Variants in EFR3A observed in about 807,000 individuals in gnomAD.
EFR3A encodes EFR3 homolog A.
Under a neutral mutation model 104.4 loss-of-function variants are expected in EFR3A, and 76 were observed. That is an observed-to-expected ratio of 0.73 (90% CI 0.60 to 0.88). EFR3A has a LOEUF of 0.88. EFR3A is among the 40% of genes least tolerant of loss of function. The probability of loss-of-function intolerance (pLI) is 0.00; values close to 1 mark genes in which losing one functional copy is unlikely to be tolerated. For synonymous variants in EFR3A, 330 were observed against 330.0 expected (o/e 1.00, Z 0.00); for missense variants, 985 against 1,012.5 (o/e 0.97, Z 0.37).
Position 131,970,639 on chromosome 8 carries a change from A to G in EFR3A, c.1155A>G (p.Thr385=). Reference sequence around the variant, plus strand: ...TTGTGCAGAATGCTATCATCCAAACAATAGGTGAGTACATTTCACTTTTCA... The same window carrying G: ...TTGTGCAGAATGCTATCATCCAAACGATAGGTGAGTACATTTCACTTTTCA... ...EKIVQNAIIQ[T]IGFFGSNLPD... Residue 385 remains threonine (T), a synonymous_variant, in exon 10 of 23, where the codon ACA becomes ACG. Transcript: ENST00000254624. 1.2e-6 allele frequency: 2 copies of G among 1,612,768 alleles called. No individual in the cohort carries two copies. The highest frequency in any genetic ancestry group is 2.2e-5 in the East Asian group (1 of 44,828).
At chr8:131,997,151 T>C (rs964668403) in intron 19 of EFR3A, among the ~76,000 whole-genome samples, 2 of 152,062 alleles carry the variant, frequency 1.3e-5, no homozygotes, top group African/African-American at 4.8e-5. Context: ...TAGGACTTAT[T>C]CTACACAAAT....
In EFR3A at chr8:131,957,350, CT is replaced by C. The variant is rs1185442281; in HGVS notation, c.776+1463del. Among the ~76,000 whole-genome samples, 419 of 125,922 alleles carry C rather than the reference CT, an allele frequency of 3.3e-3. 1 individual carries two copies. The highest frequency in any genetic ancestry group is 5.8e-3 in the African/African-American group (194 of 33,462). The allele number at this position is 125,922 out of a possible 152,430, so 82.6% of individuals were successfully genotyped here. Reference sequence around the variant, plus strand: ...TAATTTGAAGATTTAGGGCCAGGGTCTTTTTTTTTTTTTTTTTTGAGACAGA... The same window carrying C: ...TAATTTGAAGATTTAGGGCCAGGGTCTTTTTTTTTTTTTTTTTGAGACAGA... On this transcript the variant is annotated intron_variant, in intron 7 of 22. Transcript: ENST00000254624.
At chr8:132,008,815 C>T (rs1395689430) in intron 22 of EFR3A, among the ~76,000 whole-genome samples, 1 of 123,980 alleles carries the variant, frequency 8.1e-6, no homozygotes, top group African/African-American at 3.1e-5. Context: ...AATTGCACTC[C>T]AGCCTGGGTG....
At chr8:131,975,438 C>CA (rs1308934995) in intron 10 of EFR3A, among the ~76,000 whole-genome samples, 1 of 78,180 alleles carries the variant, frequency 1.3e-5, no homozygotes, top group East Asian at 4.3e-4. Context: ...TTTTTGGAGA[C>CA]AGAGTTTTGC....
intron 1 of EFR3A, among the ~76,000 whole-genome samples, chr8:131,922,177 A>G (rs1001266094): frequency 2.6e-5 from 4 of 152,110 alleles, no homozygotes; most frequent in African/African-American, 4.8e-5. Flanking sequence ...GTGTGTATCC[A>G]TATCTTTCTT....
rs762450091 is a variant in EFR3A at position 131,974,325 on chromosome 8, AG to A, written c.1160-1701del. 2.0e-5 allele frequency among the ~76,000 whole-genome samples: 3 copies of A among 152,334 alleles called. No homozygotes were observed. The South Asian group carries it at 6.2e-4, about 32-fold the overall frequency. ...ATACAAATGTTGTTGAATACAGGGA[AG>A]TATGATAGTGCTTGCTAACTCCAAA... On this transcript the variant is annotated intron_variant, in intron 10 of 22. Coordinates refer to ENST00000254624, the MANE Select transcript of EFR3A (RefSeq NM_015137.6).
At chr8:132,010,553 T>C (rs976340066) in intron 22 of EFR3A, among the ~76,000 whole-genome samples, 3 of 151,312 alleles carry the variant, frequency 2.0e-5, no homozygotes, top group Non-Finnish European at 1.5e-5. Context: ...TATAATCGCA[T>C]TTAAAATTGT....
At chr8:131,979,626 G>T (rs924681639) in intron 14 of EFR3A, among the ~76,000 whole-genome samples, 1 of 151,960 alleles carries the variant, frequency 6.6e-6, no homozygotes, top group African/African-American at 2.4e-5. Flanking sequence ...TCTATTGTTG[G>T]GCTGCTGTAG....
At chr8:131,978,759 A>T in intron 12 of EFR3A, 88 bp from the exon 13 acceptor site, 1 of 1,029,644 alleles carries the variant, frequency 9.7e-7, no homozygotes. Flanking sequence ...TTTCTTTCCT[A>T]AGTTTATGGT....
At chr8:132,010,341 A>G (rs1226494836) in intron 22 of EFR3A, among the ~76,000 whole-genome samples, 1 of 146,922 alleles carries the variant, frequency 6.8e-6, no homozygotes, top group Non-Finnish European at 1.5e-5. Flanking sequence ...ACTTTTTAAC[A>G]TTATTTATCA....
chr8:131,956,397 T>A (rs1285556583), intron 7 of EFR3A, among the ~76,000 whole-genome samples: 2 of 152,194 alleles, frequency 1.3e-5, no homozygotes, highest in African/African-American at 4.8e-5. Flanking sequence ...TTGTTGGTAC[T>A]TTCATGCTCT....
Position 131,952,161 on chromosome 8 carries a change from A to ATTCTG in EFR3A, c.489-1655_489-1654insCTGTT, listed in dbSNP as rs535920805. Among the ~76,000 whole-genome samples the ATTCTG allele has an allele frequency of 3.3e-5, 5 of 152,070 alleles. No individual in the cohort carries two copies. The South Asian group carries it at 1.0e-3, about 31-fold the overall frequency. On this transcript the variant is annotated intron_variant, in intron 5 of 22. Coordinates refer to ENST00000254624, the MANE Select transcript of EFR3A (RefSeq NM_015137.6). ...CACCACCACCACCACCACCACCATCATTGTCATCATCCTCGTCGTGGTTAG... is the reference window on the plus strand; with the variant it reads ...CACCACCACCACCACCACCACCATCATTCTGTTGTCATCATCCTCGTCGTGGTTAG...
Position 131,984,126 on chromosome 8 carries a change from C to G in EFR3A, c.1576-13C>G, listed in dbSNP as rs113477409. 294 of 1,586,730 alleles carry G rather than the reference C, an allele frequency of 1.9e-4. No individual in the cohort carries two copies. The African/African-American group carries it at 3.7e-3, about 20-fold the overall frequency. ...AAGCAAAATTACCTTTGTCCTCTGT[C>G]TTTTCTCCTCAGAATGGGCAACAGC... On this transcript the variant is annotated splice_polypyrimidine_tract_variant and intron_variant, in intron 14 of 22. Transcript: ENST00000254624.
intron 14 of EFR3A, among the ~76,000 whole-genome samples, chr8:131,982,102 A>G (rs186200061): frequency 1.3e-5 from 2 of 152,230 alleles, no homozygotes; most frequent in Admixed American, 6.5e-5. Flanking sequence ...TGTCTTCTTC[A>G]TAACTCCATC....
At chr8:131,946,367 T>G (rs1818441234) in intron 3 of EFR3A, 116 bp from the exon 4 acceptor site, 1 of 984,506 alleles carries the variant, frequency 1.0e-6, no homozygotes, top group African/African-American at 1.7e-5. Context: ...TTACTAAATT[T>G]GCATTTCTTT....
At chr8:131,983,223 C>G (rs2130748899) in intron 14 of EFR3A, among the ~76,000 whole-genome samples, 1 of 152,264 alleles carries the variant, frequency 6.6e-6, no homozygotes, top group African/African-American at 2.4e-5. Flanking sequence ...AATGAGTGTT[C>G]TTAACCCTGC....
intron 7 of EFR3A, among the ~76,000 whole-genome samples, chr8:131,958,831 C>T (rs929627732): frequency 1.3e-5 from 2 of 152,152 alleles, no homozygotes; most frequent in Admixed American, 6.5e-5. Context: ...GAAGCTACCA[C>T]TTATCAAGTG....
chr8:131,995,500 A>T (rs1237621565), intron 18 of EFR3A, among the ~76,000 whole-genome samples: 5 of 152,206 alleles, frequency 3.3e-5, no homozygotes, highest in Non-Finnish European at 7.3e-5. Flanking sequence ...TGAGTATTGA[A>T]TGCTAAAGTA....
chr8:131,911,759 T>A (rs1277923100), intron 1 of EFR3A, among the ~76,000 whole-genome samples: 1 of 152,186 alleles, frequency 6.6e-6, no homozygotes, highest in Non-Finnish European at 1.5e-5. Flanking sequence ...ATACGAATGA[T>A]CTAATGTTAA....
Sources: allele counts gnomAD v4.1 joint callset (sites outside exome capture counted in the v4.1 genomes callset), GRCh38; gene constraint gnomAD v4.1.1; transcripts MANE v1.5; gene names NCBI Gene and HGNC (gene_info 2026-07-23, HGNC 2026-07-21).